Variants in GRM8 observed in about 807,000 individuals in gnomAD.
GRM8 encodes the protein metabotropic glutamate receptor 8.
Under a neutral mutation model 87.2 loss-of-function variants are expected in GRM8, and 47 were observed. The ratio of observed to expected loss-of-function variants is 0.54; its 90% confidence interval spans 0.43 to 0.69. The LOEUF (loss-of-function observed/expected upper bound fraction) is 0.69, where lower values mean the gene tolerates loss of function less well. Ranked by LOEUF, GRM8 falls within the 30% of genes least tolerant of loss-of-function variation. The pLI is 0.00. For missense variants in GRM8, 1,019 were observed against 1,139.2 expected, an observed-to-expected ratio of 0.89 and a Z score of 1.52; for synonymous variants, 396 against 404.5, an observed-to-expected ratio of 0.98 and a Z score of 0.25.
In GRM8 at chr7:127,043,705, G is replaced by A. The variant is rs561325042; in HGVS notation, c.727+62791C>T. Among the ~76,000 whole-genome samples, 5 of 152,246 alleles carry A rather than the reference G, an allele frequency of 3.3e-5. No homozygotes were observed. The East Asian group carries it at 9.7e-4, about 29-fold the overall frequency. On this transcript the variant is annotated intron_variant, in intron 3 of 10. Coordinates refer to ENST00000339582, the MANE Select transcript of GRM8 (RefSeq NM_000845.3). ...GGTGCAGCACACCAACATGGCACAT[G>A]TATACATATGTAACAAACCTGCACG...
intron 7 of GRM8, among the ~76,000 whole-genome samples, chr7:126,768,573 C>A (rs1218360761): frequency 6.6e-6 from 1 of 151,752 alleles, no homozygotes; most frequent in Non-Finnish European, 1.5e-5. Flanking sequence ...TAGTAATTTG[C>A]CTTTAAAATG....
chr7:127,048,022 G>C (rs771128852), intron 3 of GRM8, among the ~76,000 whole-genome samples: 14 of 152,082 alleles, frequency 9.2e-5, no homozygotes, highest in Non-Finnish European at 1.6e-4. Flanking sequence ...ACTGTTCTAG[G>C]TGTCTGAAAT....
intron 8 of GRM8, among the ~76,000 whole-genome samples, chr7:126,593,185 C>T (rs1403458506): frequency 6.6e-6 from 1 of 151,902 alleles, no homozygotes; most frequent in Non-Finnish European, 1.5e-5. Context: ...CCATACTACA[C>T]CAAGCAATCT....
chr7:126,769,283 G>A (rs1043397068), intron 7 of GRM8, among the ~76,000 whole-genome samples: 5 of 152,092 alleles, frequency 3.3e-5, no homozygotes, highest in East Asian at 3.9e-4. Context: ...TCAGTTTCTC[G>A]TGGCAGTCAC....
intron 7 of GRM8, among the ~76,000 whole-genome samples, chr7:126,703,408 G>C (rs1039479324): frequency 6.6e-6 from 1 of 152,158 alleles, no homozygotes; most frequent in African/African-American, 2.4e-5. Flanking sequence ...ATGCAAACCA[G>C]ACAAAAGACT....
chr7:127,006,499 G>A lies in GRM8; in HGVS notation c.727+99997C>T, dbSNP rs187311189. Among the ~76,000 whole-genome samples, 8 of 152,034 alleles carry A rather than the reference G, an allele frequency of 5.3e-5. No individual in the cohort carries two copies. The South Asian group carries it at 6.2e-4, about 12-fold the overall frequency. On this transcript the variant is annotated intron_variant, in intron 3 of 10. Coordinates refer to ENST00000339582, the MANE Select transcript of GRM8 (RefSeq NM_000845.3). ...TTTCTTTAATCCACTCCAATCAGAC[G>A]TCTGTCTCCACTACTCCCATGAACT...
intron 9 of GRM8, among the ~76,000 whole-genome samples, chr7:126,528,772 T>C (rs1409271719): frequency 1.3e-5 from 2 of 152,098 alleles, no homozygotes; most frequent in African/African-American, 4.8e-5. Context: ...TTGCTTTGTA[T>C]TGGAATTTGT....
chr7:126,669,006 T>C (rs2151300907), intron 7 of GRM8, among the ~76,000 whole-genome samples: 1 of 152,334 alleles, frequency 6.6e-6, no homozygotes, highest in African/African-American at 2.4e-5. Context: ...AATGACATCA[T>C]GTCCTTTGCA....
intron 7 of GRM8, among the ~76,000 whole-genome samples, chr7:126,755,103 AAGAAAG>A (rs1314277566): frequency 2.0e-5 from 3 of 152,066 alleles, no homozygotes; most frequent in Non-Finnish European, 4.4e-5. Context: ...AAGGTATAAA[AAGAAAG>A]TATTATGCAT....
intron 6 of GRM8, among the ~76,000 whole-genome samples, chr7:126,814,796 A>G (rs981982619): frequency 6.6e-6 from 1 of 151,366 alleles, no homozygotes; most frequent in African/African-American, 2.4e-5. Context: ...TGCCCTCAAT[A>G]TTACAGACTG....
intron 7 of GRM8, among the ~76,000 whole-genome samples, chr7:126,761,801 T>C (rs1382672999): frequency 6.6e-6 from 1 of 152,194 alleles, no homozygotes; most frequent in Non-Finnish European, 1.5e-5. Flanking sequence ...TTCAAGCTAT[T>C]ATTAAACTGC....
At chr7:127,217,517 C>A (rs1250616288) in intron 2 of GRM8, among the ~76,000 whole-genome samples, 1 of 152,182 alleles carries the variant, frequency 6.6e-6, no homozygotes, top group African/African-American at 2.4e-5. Context: ...GGCCTCTTGT[C>A]CAGAGATGTC....
At chr7:126,763,179 C>T (rs1246440223) in intron 7 of GRM8, among the ~76,000 whole-genome samples, 1 of 150,904 alleles carries the variant, frequency 6.6e-6, no homozygotes, top group Admixed American at 6.6e-5. Flanking sequence ...CCAAGTGTTA[C>T]ATTTTTAAAG....
At chr7:127,011,547 T>C (rs895820675) in intron 3 of GRM8, among the ~76,000 whole-genome samples, 1 of 152,150 alleles carries the variant, frequency 6.6e-6, no homozygotes, top group Non-Finnish European at 1.5e-5. Context: ...TGAAGCCTAA[T>C]GAAGACTTCT....
Position 126,609,355 on chromosome 7 carries a change from T to C in GRM8, c.1494+7A>G, listed in dbSNP as rs756066808. ...ATACATTAATATATGTTTATGACGA[T>C]ACTTGCTTTTAGATGAAGCTGATTG... On this transcript the variant is annotated splice_region_variant and intron_variant, in intron 8 of 10. Transcript: ENST00000339582. 1.6e-5 allele frequency: 26 copies of C among 1,610,554 alleles called. No homozygotes were observed. Among genetic ancestry groups the C allele is most frequent in the Admixed American group, 5.0e-5 (3 of 59,858 alleles).
chr7:126,566,830 T>C (rs553876191), intron 8 of GRM8, among the ~76,000 whole-genome samples: 1 of 152,272 alleles, frequency 6.6e-6, no homozygotes, highest in Non-Finnish European at 1.5e-5. Context: ...ATAAATACCA[T>C]GAAATATTAT....
At chr7:127,100,192 C>G (rs1472977774) in intron 3 of GRM8, among the ~76,000 whole-genome samples, 2 of 152,132 alleles carry the variant, frequency 1.3e-5, no homozygotes, top group African/African-American at 4.8e-5. Flanking sequence ...CTATATTTTA[C>G]TATAAAATGC....
chr7:126,695,538 G>A lies in GRM8; in HGVS notation c.1357+74327C>T, dbSNP rs1809290395. ...GAGTTTTACAGGAAGAGAATCTCAG[G>A]CAGAAGAAAGCATATTAGAAGGCCC... On this transcript the variant is annotated intron_variant, in intron 7 of 10. Coordinates refer to ENST00000339582, the MANE Select transcript of GRM8 (RefSeq NM_000845.3). Among the ~76,000 whole-genome samples, 3 of 152,054 alleles carry A rather than the reference G, an allele frequency of 2.0e-5. No individual in the cohort carries two copies. The South Asian group carries it at 6.2e-4, about 32-fold the overall frequency.
chr7:126,754,028 G>A (rs539575043), intron 7 of GRM8, among the ~76,000 whole-genome samples: 11 of 151,822 alleles, frequency 7.2e-5, no homozygotes, highest in Admixed American at 2.6e-4. Context: ...AACCACCGCC[G>A]GATAATGATA....
Sources: gnomAD v4.1 joint callset for allele counts (sites outside exome capture counted in the v4.1 genomes callset) on GRCh38, gnomAD v4.1.1 for gene constraint, MANE v1.5 for transcripts, NCBI Gene and HGNC (gene_info 2026-07-23, HGNC 2026-07-21) for gene names.